The following LRCH3 variants were observed in gnomAD, a reference collection of about 807,000 sequenced individuals.
LRCH3 encodes leucine rich repeats and calponin homology domain containing 3, also known as DISP complex protein LRCH3.
LRCH3 carries 68 observed loss-of-function variants against 104.5 expected under a neutral mutation model. The ratio of observed to expected loss-of-function variants is 0.65; its 90% CI spans 0.54 to 0.80. LRCH3 has a LOEUF of 0.80. LRCH3 is among the 30% of genes least tolerant of loss of function. The pLI, the probability that LRCH3 is intolerant of heterozygous loss-of-function variation, is 0.00. For missense variants in LRCH3, 951 were observed against 953.9 expected (o/e 1.00, Z 0.04); for synonymous variants, 344 against 361.3 (o/e 0.95, Z 0.54).
Position 197,871,385 on chromosome 3 carries a change from G to A in LRCH3, c.2053G>A (p.Gly685Ser), listed in dbSNP as rs777482150. The A allele has an allele frequency of 9.9e-6, 16 of 1,613,802 alleles. No individual in the cohort carries two copies. Among genetic ancestry groups the A allele is most frequent in the African/African-American group, 1.3e-5 (1 of 74,838 alleles). Residue 685 changes from glycine to serine, a missense_variant, in exon 19 of 21, where the codon GGT becomes AGT. By Grantham distance (56) the Gly-to-Ser change is moderately conservative. Transcript: ENST00000425562. Reference sequence around the variant, plus strand: ...TGATCTCGGAGCAGCTCTAACTGACGGTGTTGTTCTTTGCCATTTGGCCAA... The same window carrying A: ...TGATCTCGGAGCAGCTCTAACTGACAGTGTTGTTCTTTGCCATTTGGCCAA... ...PCDLGAALTD[G>S]VVLCHLANHV...
At position 197,876,131 on chromosome 3, in the gene LRCH3, T is replaced by A. The variant is rs79056741; in HGVS notation, c.2208+356T>A. ...TGGCTTCAGTGTTCTAACACTTGCT[T>A]TGATACTTTTTAAAATGTTTTAGAC... On this transcript the variant is annotated intron_variant, in intron 20 of 20. Coordinates refer to ENST00000425562, the MANE Select transcript of LRCH3 (RefSeq NM_001365715.1). 318 of 158,622 alleles carry A rather than the reference T, an allele frequency of 2.0e-3. 1 individual carries two copies. The highest frequency in any genetic ancestry group is 7.3e-3 in the African/African-American group (304 of 41,786). The allele number at this position is 158,622 out of a possible 1,614,324, so 9.8% of individuals were successfully genotyped here.
chr3:197,826,396 A>G lies in LRCH3; in HGVS notation c.641-482A>G, dbSNP rs62283990. 5.5e-3 allele frequency among the ~76,000 whole-genome samples: 837 copies of G among 151,984 alleles called. 5 individuals carry two copies. The highest frequency in any genetic ancestry group is 9.3e-3 in the Non-Finnish European group (635 of 67,970). On this transcript the variant is annotated intron_variant, in intron 4 of 20. Coordinates refer to ENST00000425562, the MANE Select transcript of LRCH3 (RefSeq NM_001365715.1). ...TTAACTCCTCCATTTTTAGCTGGCAACTCCTCCTGACTTTTGTCATCCTAT... is the reference window on the plus strand; with the variant it reads ...TTAACTCCTCCATTTTTAGCTGGCAGCTCCTCCTGACTTTTGTCATCCTAT...
chr3:197,792,356 T>A (rs555978077), intron 1 of LRCH3, among the ~76,000 whole-genome samples: 21 of 151,134 alleles, frequency 1.4e-4, no homozygotes, highest in African/African-American at 4.8e-4. Context: ...CTTCGTGTTA[T>A]GTATGTTTTC....
At chr3:197,834,067 A>G (rs1736351100) in intron 8 of LRCH3, among the ~76,000 whole-genome samples, 2 of 152,236 alleles carry the variant, frequency 1.3e-5, no homozygotes. Context: ...CTAAATTGAG[A>G]AATAGGCTTC....
intron 20 of LRCH3, chr3:197,880,497 T>C (rs528574459): frequency 1.3e-6 from 2 of 1,528,544 alleles, no homozygotes; most frequent in South Asian, 2.4e-5. Context: ...CCTTTCCTGC[T>C]TACACTTTGG....
intron 9 of LRCH3, among the ~76,000 whole-genome samples, chr3:197,838,071 A>C (rs532634603): frequency 2.1e-4 from 32 of 151,680 alleles, no homozygotes; most frequent in African/African-American, 7.5e-4. Flanking sequence ...AAAAAAAAAA[A>C]ACTAGGGTGG....
In LRCH3 at chr3:197,835,722, A is replaced by G. The variant is rs1736697772; in HGVS notation, c.1151A>G (p.Glu384Gly). ...QIDYIDSCTA[E>G]EEEAEVRQPK... is the part of the protein sequence containing the mutation. ...GACTACATAGACAGCTGCACCGCAG[A>G]GGAAGAGGAGGCCGAGGTGAGACAG... Residue 384 changes from glutamate (E) to glycine (G), a missense_variant, in exon 9 of 21, where the codon GAG becomes GGG. Glu to Gly is a moderately conservative substitution (Grantham distance 98). Transcript: ENST00000425562. The G allele has an allele frequency of 6.2e-7, 1 of 1,614,068 alleles. No homozygotes were observed.
chr3:197,859,953 C>T (rs1580841665), intron 15 of LRCH3, among the ~76,000 whole-genome samples: 1 of 152,260 alleles, frequency 6.6e-6, no homozygotes, highest in East Asian at 1.9e-4. Flanking sequence ...ATGGTCCAAA[C>T]TAGAAATACA....
At chr3:197,858,773 C>T in intron 14 of LRCH3, 61 bp from the exon 15 acceptor site, 1 of 1,341,192 alleles carries the variant, frequency 7.5e-7, no homozygotes, top group Non-Finnish European at 1.1e-6. Flanking sequence ...GATCTGCCTG[C>T]CTGACATTTG....
Position 197,791,526 on chromosome 3 carries a change from A to G in LRCH3, c.248A>G (p.Asp83Gly). The G allele has an allele frequency of 1.3e-6, 2 of 1,590,594 alleles. No homozygotes were observed. Among genetic ancestry groups the G allele is most frequent in the Non-Finnish European group, 1.7e-6 (2 of 1,171,472 alleles). ...GGAGCGGCCAACCACGACCTGACGG[A>G]CACCACCCGGGCGGGTGAGCGGGGC... ...PRGAANHDLT[D>G]TTRADLSRNR... Residue 83 changes from aspartate (D) to glycine (G), a missense_variant, in exon 1 of 21, where the codon GAC (aspartate) becomes GGC (glycine). Transcript: ENST00000425562.
At chr3:197,853,202 T>C (rs558426593) in intron 13 of LRCH3, among the ~76,000 whole-genome samples, 1 of 152,248 alleles carries the variant, frequency 6.6e-6, no homozygotes, top group African/African-American at 2.4e-5. Flanking sequence ...CTTTTTCTTT[T>C]TTTTTGAGAC....
At chr3:197,807,751 C>T (rs1417660063) in intron 1 of LRCH3, among the ~76,000 whole-genome samples, 1 of 151,964 alleles carries the variant, frequency 6.6e-6, no homozygotes, top group Non-Finnish European at 1.5e-5. Flanking sequence ...TTGAGTGTAT[C>T]TCTTTGTGTA....
At chr3:197,882,914 T>C in intron 20 of LRCH3, 1 of 985,276 alleles carries the variant, frequency 1.0e-6, no homozygotes, top group Non-Finnish European at 1.2e-6. Flanking sequence ...ATTCTGTAAT[T>C]CAGATTTTTA....
chr3:197,856,953 TACGATTTGAAA>T lies in LRCH3; in HGVS notation c.1645-1880_1645-1870del, dbSNP rs1740322774. On this transcript the variant is annotated intron_variant, in intron 14 of 20. Coordinates refer to ENST00000425562, the MANE Select transcript of LRCH3 (RefSeq NM_001365715.1). This position sits in a 1 kb window ranked among gnomAD's most constrained non-coding sequence, Gnocchi z 4.2. ...AATTTGATTTAAAGACCTTGAAACT[TACGATTTGAAA>T]TGAAGATTTATAACAGCTAATATCA... 6.6e-6 allele frequency among the ~76,000 whole-genome samples: 1 copy of T among 152,252 alleles called. No individual in the cohort carries two copies.
chr3:197,826,884 C>A lies in LRCH3; in HGVS notation c.647C>A (p.Ala216Glu). The A allele has an allele frequency of 6.2e-7, 1 of 1,613,984 alleles. No homozygotes were observed. Among genetic ancestry groups the A allele is most frequent in the Non-Finnish European group, 8.5e-7 (1 of 1,179,958 alleles). Residue 216 changes from alanine (A) to glutamate (E), a missense_variant, in exon 5 of 21, where the codon GCG becomes GAG. Coordinates refer to ENST00000425562, the MANE Select transcript of LRCH3 (RefSeq NM_001365715.1). ...NHLVHLPEELAELPLIRLDFS... is the reference protein window; with the variant it reads ...NHLVHLPEELEELPLIRLDFS... ...CCATTTTACCTTCTTGCAGAGCTGG[C>A]GGAGTTGCCTTTGATACGGTTAGAC... is the stretch of plus-strand genomic sequence containing the variant.
chr3:197,854,350 AGTTT>A lies in LRCH3; in HGVS notation c.1591-37_1591-34del. On this transcript the variant is annotated intron_variant, in intron 13 of 20. Transcript: ENST00000425562. The surrounding 1 kb of genome is among the most constrained non-coding windows in gnomAD (Gnocchi z 4.5). ...CGTGAAATACGTCACACGTGTGCGTAGTTTGTTTCTGACATGGCTTCATTTTTCT... is the reference window on the plus strand; with the variant it reads ...CGTGAAATACGTCACACGTGTGCGTAGTTTCTGACATGGCTTCATTTTTCT... 6.5e-7 allele frequency: 1 copy of A among 1,550,232 alleles called. No homozygotes were observed. The highest frequency in any genetic ancestry group is 1.1e-5 in the South Asian group (1 of 89,872).
At chr3:197,792,647 TA>T (rs1215029073) in intron 1 of LRCH3, among the ~76,000 whole-genome samples, 5 of 117,678 alleles carry the variant, frequency 4.2e-5, no homozygotes, top group African/African-American at 1.5e-4. Flanking sequence ...ATATTATATA[TA>T]AAATATATAT....
intron 20 of LRCH3, chr3:197,881,108 A>T: frequency 5.6e-6 from 6 of 1,062,450 alleles, no homozygotes; most frequent in Non-Finnish European, 6.8e-6. Context: ...GTGCCTCAGC[A>T]CAAGTGTTGA....
At chr3:197,845,008 AAG>A (rs1325067940) in intron 10 of LRCH3, among the ~76,000 whole-genome samples, 4 of 152,298 alleles carry the variant, frequency 2.6e-5, no homozygotes, top group African/African-American at 9.6e-5. Context: ...TGTGAGGTGA[AAG>A]AAAGTTTTAG....
Sources: gnomAD v4.1 joint callset for allele counts (sites outside exome capture counted in the v4.1 genomes callset) on GRCh38, gnomAD v4.1.1 for gene constraint, Gnocchi (gnomAD v3.1) non-coding constraint, MANE v1.5 for transcripts, NCBI Gene and HGNC (gene_info 2026-07-23, HGNC 2026-07-21) for gene names.